SOS2: variants seen among roughly 807,000 people sequenced by gnomAD.
SOS2 encodes SOS Ras/Rho guanine nucleotide exchange factor 2.
SOS2 carries 65 observed loss-of-function variants against 148.2 expected under a neutral mutation model. The observed-to-expected ratio is 0.44, with a 90% CI of 0.36 to 0.54. The LOEUF is 0.54. SOS2 is among the 20% of genes least tolerant of loss of function. SOS2 has a pLI of 0.00. For missense variants in SOS2, 1,341 were observed against 1,590.2 expected (o/e 0.84, Z 2.67); for synonymous variants, 539 against 537.1 (o/e 1.00, Z -0.05).
intron 1 of SOS2, among the ~76,000 whole-genome samples, chr14:50,222,768 G>A (rs916363339): frequency 6.6e-6 from 1 of 152,218 alleles, no homozygotes; most frequent in African/African-American, 2.4e-5. Context: ...GGGAGGTGGG[G>A]CAGCCCTAGA....
At chr14:50,151,447 A>C (rs752151194) in intron 13 of SOS2, among the ~76,000 whole-genome samples, 170 of 152,354 alleles carry the variant, frequency 1.1e-3, no homozygotes, top group Admixed American at 3.4e-3. Context: ...TTTTTGTGAT[A>C]GTACCCATCC....
intron 5 of SOS2, among the ~76,000 whole-genome samples, chr14:50,185,715 A>G (rs548994305): frequency 6.6e-6 from 1 of 151,836 alleles, no homozygotes; most frequent in African/African-American, 2.4e-5. Flanking sequence ...AAAAGATTAG[A>G]GAGGAAAAAC....
At chr14:50,155,676 A>G (rs1884789284) in intron 12 of SOS2, among the ~76,000 whole-genome samples, 1 of 152,174 alleles carries the variant, frequency 6.6e-6, no homozygotes, top group African/African-American at 2.4e-5. Context: ...GAAAGCCACA[A>G]TATCATGACA....
At chr14:50,137,425 G>C (rs1884116879) in intron 18 of SOS2, among the ~76,000 whole-genome samples, 1 of 152,058 alleles carries the variant, frequency 6.6e-6, no homozygotes, top group Non-Finnish European at 1.5e-5. Context: ...TTTACTGCAT[G>C]GACATCATTC....
At position 50,175,507 on chromosome 14, in the gene SOS2, A is replaced by G. The variant is rs535702516; in HGVS notation, c.970-955T>C. Among the ~76,000 whole-genome samples, 367 of 150,454 alleles carry G rather than the reference A, an allele frequency of 2.4e-3. 2 individuals are homozygous for G. Among genetic ancestry groups the G allele is most frequent in the Non-Finnish European group, 4.7e-3 (316 of 67,794 alleles). The stretch of plus-strand genomic sequence containing the variant: ...TGGATCAATGCATAATGGGAAATAC[A>G]TAACAGCAAAAGGTAACAAGTAAGA... On this transcript the variant is annotated intron_variant, in intron 7 of 22. Coordinates refer to ENST00000216373, the MANE Select transcript of SOS2 (RefSeq NM_006939.4).
At chr14:50,174,419 G>T in intron 8 of SOS2, 35 bp downstream of exon 8, 1 of 1,169,046 alleles carries the variant, frequency 8.6e-7, no homozygotes, top group Non-Finnish European at 1.2e-6. Flanking sequence ...TCTTCTATTA[G>T]ATAAGTACTT....
intron 1 of SOS2, among the ~76,000 whole-genome samples, chr14:50,208,379 C>T (rs567598415): frequency 5.9e-5 from 9 of 152,100 alleles, no homozygotes; most frequent in East Asian, 1.9e-4. Flanking sequence ...AGGCTGGGTG[C>T]GGTGGCTCAG....
In SOS2 at chr14:50,118,696, GGGGTATC is replaced by G; in HGVS notation, c.3640_3646del (p.Asp1214LeufsTer13). On this transcript the variant is annotated frameshift_variant, in exon 23 of 23. Transcript: ENST00000216373. LOFTEE classifies it high-confidence loss of function. ...TGGAGGCCGAAGGGGAACTGGTGGAGGGGTATCAGGAAGAGGATCTCTTGGTGGTGGC... is the reference window on the plus strand; with the variant it reads ...TGGAGGCCGAAGGGGAACTGGTGGAGAGGAAGAGGATCTCTTGGTGGTGGC... The G allele has an allele frequency of 6.2e-7, 1 of 1,613,824 alleles. No homozygotes were observed.
intron 21 of SOS2, among the ~76,000 whole-genome samples, chr14:50,121,201 T>C (rs972587279): frequency 6.6e-6 from 1 of 152,162 alleles, no homozygotes; most frequent in African/African-American, 2.4e-5. Context: ...AAAGGAAATT[T>C]ACAAAATGAT....
chr14:50,182,047 A>G (rs1276000338), intron 6 of SOS2, among the ~76,000 whole-genome samples: 1 of 151,778 alleles, frequency 6.6e-6, no homozygotes, highest in Non-Finnish European at 1.5e-5. Flanking sequence ...CTACTCTAGT[A>G]TATAAACTTT....
intron 10 of SOS2, among the ~76,000 whole-genome samples, chr14:50,158,968 A>G (rs1218871624): frequency 6.6e-6 from 1 of 152,078 alleles, no homozygotes; most frequent in Non-Finnish European, 1.5e-5. Flanking sequence ...GCGGATCACG[A>G]GGTCAGGAGA....
chr14:50,187,121 T>C (rs911353486), intron 5 of SOS2, among the ~76,000 whole-genome samples: 4 of 151,620 alleles, frequency 2.6e-5, no homozygotes, highest in Non-Finnish European at 4.4e-5. Context: ...AGCAAATCTC[T>C]CACTTCAGCC....
At chr14:50,152,858 G>A (rs1884703968) in intron 13 of SOS2, among the ~76,000 whole-genome samples, 1 of 152,034 alleles carries the variant, frequency 6.6e-6, no homozygotes, top group Non-Finnish European at 1.5e-5. Context: ...CCAGCTACTT[G>A]GGAGGCTGAG....
intron 12 of SOS2, among the ~76,000 whole-genome samples, chr14:50,154,397 G>T (rs1017843812): frequency 1.3e-5 from 2 of 152,122 alleles, no homozygotes; most frequent in African/African-American, 4.8e-5. Flanking sequence ...AACATTGTTG[G>T]TGAGAATGTT....
intron 5 of SOS2, among the ~76,000 whole-genome samples, chr14:50,185,018 C>A (rs141013981): frequency 6.6e-6 from 1 of 152,116 alleles, no homozygotes; most frequent in Non-Finnish European, 1.5e-5. Flanking sequence ...TGCCCCTATA[C>A]TTTGCCCTGT....
chr14:50,128,162 G>A (rs1457804310), intron 21 of SOS2, among the ~76,000 whole-genome samples: 4 of 152,062 alleles, frequency 2.6e-5, no homozygotes, highest in South Asian at 2.1e-4. Context: ...CAACACAGGA[G>A]GGAGGCAAAG....
rs779987434 is a variant in SOS2, at chr14:50,145,540, A to C, written c.2441T>G (p.Ile814Arg). 16 of 1,610,770 alleles carry C rather than the reference A, an allele frequency of 9.9e-6. No individual in the cohort carries two copies. The highest frequency in any genetic ancestry group is 1.4e-5 in the Non-Finnish European group (16 of 1,178,406). ...CATTTTTAATAAATTTGGAGAATTTATTTCTTTATCTTCTTTGGTCCACAC... is the reference window on the plus strand; with the variant it reads ...CATTTTTAATAAATTTGGAGAATTTCTTTCTTTATCTTCTTTGGTCCACAC... ...GSVWTKEDKE[I>R]NSPNLLKMIR... Residue 814 changes from isoleucine (I) to arginine (R), a missense_variant, in exon 15 of 23, where the codon ATA becomes AGA. Physicochemically the swap from Ile to Arg is moderately conservative, Grantham distance 97 (BLOSUM62 -3). Coordinates refer to ENST00000216373, the MANE Select transcript of SOS2 (RefSeq NM_006939.4).
intron 1 of SOS2, among the ~76,000 whole-genome samples, chr14:50,214,707 T>C (rs73291649): frequency 0.26 from 39,188 of 150,962 alleles, 5,703 homozygotes; most frequent in East Asian, 0.48. Context: ...TTTCTTTTTT[T>C]TTTTTTTTTT....
chr14:50,161,789 CTT>C (rs36219580), intron 8 of SOS2, among the ~76,000 whole-genome samples, 180 bp from the exon 9 acceptor site: 9 of 135,290 alleles, frequency 6.7e-5, no homozygotes, highest in African/African-American at 1.7e-4. Flanking sequence ...CTTTTTCTTT[CTT>C]TTTTTTTTTT....
Sources: allele counts gnomAD v4.1 joint callset (sites outside exome capture counted in the v4.1 genomes callset), GRCh38; gene constraint gnomAD v4.1.1; transcripts MANE v1.5; gene names NCBI Gene and HGNC (gene_info 2026-07-23, HGNC 2026-07-21).